The following PTPRT variants were observed in gnomAD, a reference collection of about 807,000 sequenced individuals.
PTPRT encodes receptor-type tyrosine-protein phosphatase T.
PTPRT carries 56 observed loss-of-function variants against 176.8 expected under a neutral mutation model. The observed-to-expected ratio is 0.32, with a 90% CI of 0.26 to 0.40. PTPRT has a LOEUF of 0.40. Among genes scored for constraint, PTPRT ranks in the 10% least tolerant of loss-of-function variants. PTPRT has a pLI of 1.00. For synonymous variants in PTPRT, 783 were observed against 739.0 expected (o/e 1.06, Z -0.96); for missense variants, 1,540 against 1,908.2 (o/e 0.81, Z 3.60).
chr20:42,621,440 T>C (rs994331707), intron 7 of PTPRT, among the ~76,000 whole-genome samples: 1 of 152,208 alleles, frequency 6.6e-6, no homozygotes, highest in Non-Finnish European at 1.5e-5. Flanking sequence ...ATCTCCACTT[T>C]TCTTGTCCTC....
intron 9 of PTPRT, among the ~76,000 whole-genome samples, chr20:42,391,509 C>T (rs1029741536): frequency 2.6e-5 from 4 of 152,156 alleles, no homozygotes; most frequent in Non-Finnish European, 4.4e-5. Flanking sequence ...GGTTCCAGGG[C>T]ACCTCAGGCC....
At chr20:43,091,593 A>AT (rs1002484524) in intron 1 of PTPRT, among the ~76,000 whole-genome samples, 6 of 151,642 alleles carry the variant, frequency 4.0e-5, no homozygotes, top group African/African-American at 7.3e-5. Context: ...TGAAAAAGAG[A>AT]TTTTTTCAGC....
At position 42,557,175 on chromosome 20, in the gene PTPRT, C is replaced by T. The variant is rs372446560; in HGVS notation, c.1154-84613G>A. On this transcript the variant is annotated intron_variant, in intron 7 of 30. Transcript: ENST00000373187. The stretch of plus-strand genomic sequence containing the variant: ...CTTGTTTTGCGGGCTCACCCCACAA[C>T]TCATTCATTGATTCCTTCATTCACT... 3.0e-3 allele frequency among the ~76,000 whole-genome samples: 462 copies of T among 152,218 alleles called. 19 individuals carry two copies. In the South Asian group the frequency reaches 0.092, roughly 30 times the overall value.
chr20:42,365,465 T>C (rs6030172), intron 9 of PTPRT, among the ~76,000 whole-genome samples: 14,805 of 152,034 alleles, frequency 0.097, 795 homozygotes, highest in African/African-American at 0.14. Context: ...GAAAAGGGAT[T>C]TTTCCCCACC....
At chr20:42,515,827 C>T (rs2145477007) in intron 7 of PTPRT, among the ~76,000 whole-genome samples, 1 of 151,056 alleles carries the variant, frequency 6.6e-6, no homozygotes, top group Non-Finnish European at 1.5e-5. Context: ...CGGCATTATT[C>T]ACAATAGCAA....
At chr20:42,844,003 A>G (rs917384880) in intron 2 of PTPRT, among the ~76,000 whole-genome samples, 36 of 152,260 alleles carry the variant, frequency 2.4e-4, no homozygotes, top group African/African-American at 8.0e-4. Context: ...ATAGAAGATA[A>G]TGAGAAAAAA....
At chr20:42,444,702 T>C (rs942452057) in intron 9 of PTPRT, among the ~76,000 whole-genome samples, 3 of 152,190 alleles carry the variant, frequency 2.0e-5, no homozygotes, top group Non-Finnish European at 2.9e-5. Context: ...TTATCCTATT[T>C]TTCTTTGTAA....
At chr20:43,029,852 T>C (rs923954542) in intron 1 of PTPRT, among the ~76,000 whole-genome samples, 12 of 152,198 alleles carry the variant, frequency 7.9e-5, no homozygotes, top group African/African-American at 2.9e-4. Flanking sequence ...ATCCAGCTCA[T>C]AGTTTTCTGT....
In PTPRT at chr20:42,128,804, C is replaced by G. The variant is rs73909220; in HGVS notation, c.2797G>C (p.Val933Leu). ...SYDHSRVRLL[V>L]LDGDPHSDYI... ...TCAGAGTGCGGGTCTCCATCCAGCA[C>G]CAGCAGCCTCACCCGGGAATGGTCG... is the stretch of plus-strand genomic sequence containing the variant. The change falls in exon 19 of 31, where the codon GTG becomes CTG. Residue 933 changes from valine to leucine, a missense_variant. Val to Leu is a conservative substitution (Grantham distance 32, BLOSUM62 1). Coordinates refer to ENST00000373187, the MANE Select transcript of PTPRT (RefSeq NM_007050.6). The G allele has an allele frequency of 2.6e-3, 4,203 of 1,607,194 alleles. 92 individuals carry two copies. In the African/African-American group the frequency reaches 0.05, roughly 19 times the overall value.
At chr20:42,277,617 C>A (rs149677600) in intron 13 of PTPRT, among the ~76,000 whole-genome samples, 4 of 152,210 alleles carry the variant, frequency 2.6e-5, no homozygotes, top group Non-Finnish European at 4.4e-5. Flanking sequence ...TAATAGGGAG[C>A]CAGTTTGGAC....
At chr20:43,091,382 T>G (rs889235625) in intron 1 of PTPRT, among the ~76,000 whole-genome samples, 10 of 152,186 alleles carry the variant, frequency 6.6e-5, no homozygotes, top group African/African-American at 2.4e-4. Context: ...TACTTTGAAA[T>G]GTCAAGGAGA....
chr20:43,167,564 G>C (rs903827266), intron 1 of PTPRT, among the ~76,000 whole-genome samples: 5 of 152,218 alleles, frequency 3.3e-5, no homozygotes, highest in African/African-American at 1.2e-4. Flanking sequence ...GGCTAGACTA[G>C]TGACTAGCTT....
At chr20:42,323,650 C>T (rs1481025404) in intron 11 of PTPRT, among the ~76,000 whole-genome samples, 1 of 151,944 alleles carries the variant, frequency 6.6e-6, no homozygotes, top group Non-Finnish European at 1.5e-5. Flanking sequence ...TTAGGAGATA[C>T]ACCTAATGCT....
chr20:42,166,975 CA>C (rs1439949608), intron 16 of PTPRT, among the ~76,000 whole-genome samples: 1 of 151,906 alleles, frequency 6.6e-6, no homozygotes, highest in Non-Finnish European at 1.5e-5. Context: ...ACTCAATCTG[CA>C]CCCTGAGAAA....
At chr20:42,194,388 GGGAAA>G (rs1991117047) in intron 16 of PTPRT, among the ~76,000 whole-genome samples, 1 of 152,184 alleles carries the variant, frequency 6.6e-6, no homozygotes, top group African/African-American at 2.4e-5. Flanking sequence ...ATTCAATAGA[GGGAAA>G]GCATAAAAAT....
rs1985975568 is a variant in PTPRT, at chr20:43,027,781, C to A, written c.89-141849G>T. Among the ~76,000 whole-genome samples the A allele has an allele frequency of 2.6e-5, 4 of 152,122 alleles. No homozygotes were observed. The South Asian group carries it at 8.3e-4, about 32-fold the overall frequency. On this transcript the variant is annotated intron_variant, in intron 1 of 30. Transcript: ENST00000373187. ...AGCCCCTCATAAATGAATACACTACCTACATGTGTAACTCACTTCTATTAC... is the reference window on the plus strand; with the variant it reads ...AGCCCCTCATAAATGAATACACTACATACATGTGTAACTCACTTCTATTAC...
At chr20:43,158,849 C>T (rs998588796) in intron 1 of PTPRT, among the ~76,000 whole-genome samples, 1 of 152,202 alleles carries the variant, frequency 6.6e-6, no homozygotes, top group Non-Finnish European at 1.5e-5. Flanking sequence ...GTCACTCAAA[C>T]TCTCTGTGCT....
intron 9 of PTPRT, among the ~76,000 whole-genome samples, chr20:42,365,893 G>T (rs1184779434): frequency 6.6e-6 from 1 of 152,204 alleles, no homozygotes; most frequent in East Asian, 1.9e-4. Context: ...ATCCAGTGGT[G>T]CTGAGTGTGG....
chr20:42,363,998 CAG>C (rs2058479315), intron 9 of PTPRT, among the ~76,000 whole-genome samples: 1 of 152,070 alleles, frequency 6.6e-6, no homozygotes, highest in African/African-American at 2.4e-5. Context: ...TTTGGACAGG[CAG>C]AGAGAGCTTT....
Sources: allele counts gnomAD v4.1 joint callset (sites outside exome capture counted in the v4.1 genomes callset), GRCh38; gene constraint gnomAD v4.1.1; transcripts MANE v1.5; gene names NCBI Gene and HGNC (gene_info 2026-07-23, HGNC 2026-07-21).